The following HS1BP3 variants were observed in gnomAD, a reference collection of about 807,000 sequenced individuals.
HS1BP3 encodes the protein HCLS1-binding protein 3.
In HS1BP3, 32 loss-of-function variants were observed where a neutral mutation model predicts 33.5. The observed-to-expected ratio is 0.95, with a 90% CI of 0.72 to 1.28. The LOEUF (loss-of-function observed/expected upper bound fraction) is 1.28, where lower values mean the gene tolerates loss of function less well. Ranked by LOEUF, HS1BP3 falls within the 50% of genes most tolerant of loss-of-function variation. The pLI is 0.00. For missense variants in HS1BP3, 486 were observed against 502.3 expected (o/e 0.97, Z 0.31); for synonymous variants, 187 against 209.2 (o/e 0.89, Z 0.92).
chr2:20,609,075 A>T (rs1225984099), intron 2 of HS1BP3, among the ~76,000 whole-genome samples: 1 of 152,244 alleles, frequency 6.6e-6, no homozygotes, highest in Non-Finnish European at 1.5e-5. Context: ...GCAGGAGCCC[A>T]GAGAGAACTG....
intron 2 of HS1BP3, among the ~76,000 whole-genome samples, chr2:20,602,547 C>A (rs1349860870): frequency 1.3e-5 from 2 of 150,150 alleles, no homozygotes; most frequent in African/African-American, 2.4e-5. Flanking sequence ...TTGAAAAAAA[C>A]CGAAACATCA....
At chr2:20,582,616 A>T (rs1693560756) in intron 5 of HS1BP3, among the ~76,000 whole-genome samples, 1 of 151,884 alleles carries the variant, frequency 6.6e-6, no homozygotes, top group Non-Finnish European at 1.5e-5. Context: ...CTGCACCCCC[A>T]TCCTTGGCAT....
intron 5 of HS1BP3, among the ~76,000 whole-genome samples, chr2:20,563,582 ACAGG>A (rs1558314882): frequency 6.6e-6 from 1 of 152,108 alleles, no homozygotes; most frequent in Non-Finnish European, 1.5e-5. Context: ...CCCTCCTATC[ACAGG>A]CTTATGCTTC....
downstream of HS1BP3, among the ~76,000 whole-genome samples, chr2:20,592,028 C>A (rs1417100138): frequency 6.6e-6 from 1 of 152,170 alleles, no homozygotes; most frequent in East Asian, 1.9e-4. Context: ...GGCCAGAAAG[C>A]TGGCCCTGGA....
At chr2:20,559,583 GATGGATAGGTGGATGA>G (rs1369478077), downstream of HS1BP3, among the ~76,000 whole-genome samples, 1 of 151,650 alleles carries the variant, frequency 6.6e-6, no homozygotes, top group African/African-American at 2.4e-5. Flanking sequence ...TGGATGCATG[GATGGATAGGTGGATGA>G]ATGGATGGGT....
chr2:20,646,348 C>T (rs904138742), intron 1 of HS1BP3, among the ~76,000 whole-genome samples: 3 of 152,186 alleles, frequency 2.0e-5, no homozygotes, highest in South Asian at 2.1e-4. Flanking sequence ...CCTGAAAACA[C>T]GGGAGGAGCT....
At chr2:20,584,045 C>A (rs1378689139) in intron 5 of HS1BP3, among the ~76,000 whole-genome samples, 3 of 152,234 alleles carry the variant, frequency 2.0e-5, no homozygotes, top group Admixed American at 1.3e-4. Context: ...CCCTCAGAAC[C>A]ATTAGATGTG....
the HS1BP3 span, among the ~76,000 whole-genome samples, chr2:20,555,400 G>A: frequency 6.6e-6 from 1 of 152,314 alleles, no homozygotes; most frequent in South Asian, 2.1e-4. Context: ...ATGACAAGTT[G>A]GTGACAGCAG....
downstream of HS1BP3, chr2:20,617,799 G>A (rs554646740): frequency 6.6e-6 from 1 of 152,476 alleles, no homozygotes; most frequent in Admixed American, 6.5e-5. Flanking sequence ...TGAACATGAA[G>A]AATTATATCC....
chr2:20,609,278 G>A (rs1694265792), intron 2 of HS1BP3, among the ~76,000 whole-genome samples: 1 of 152,200 alleles, frequency 6.6e-6, no homozygotes. Flanking sequence ...TCTGCCACAT[G>A]AGAACCCACA....
chr2:20,609,509 C>G (rs1417005358), intron 2 of HS1BP3, among the ~76,000 whole-genome samples: 2 of 152,286 alleles, frequency 1.3e-5, no homozygotes, highest in South Asian at 4.1e-4. Context: ...AATACTGAGG[C>G]TCCTCTTGGC....
chr2:20,623,104 G>A (rs1694657735), intron 6 of HS1BP3: 1 of 152,438 alleles, frequency 6.6e-6, no homozygotes, highest in Non-Finnish European at 1.5e-5. Flanking sequence ...TGAGTCTGCT[G>A]AGAATGTGGC....
chr2:20,565,511 C>T (rs543397916), intron 5 of HS1BP3, among the ~76,000 whole-genome samples: 104 of 152,344 alleles, frequency 6.8e-4, no homozygotes, highest in Admixed American at 6.2e-3. Context: ...CCAGGGATAC[C>T]CAGGAGATCT....
At chr2:20,584,268 C>T (rs1693628219) in intron 5 of HS1BP3, among the ~76,000 whole-genome samples, 1 of 152,214 alleles carries the variant, frequency 6.6e-6, no homozygotes, top group East Asian at 1.9e-4. Flanking sequence ...CCCAGCCATG[C>T]TGGCAGAAGA....
At position 20,628,085 on chromosome 2, in the gene HS1BP3, C is replaced by T. The variant is rs369592781; in HGVS notation, c.624-3193G>A. 7.9e-5 allele frequency among the ~76,000 whole-genome samples: 12 copies of T among 152,278 alleles called. No homozygotes were observed. In the East Asian group the frequency reaches 1.2e-3, roughly 15 times the overall value. Reference sequence around the variant, plus strand: ...GCCCTATGTGCGAAAGCCCCTCCTCCGAAGATCTCCTGGCCGACTCCACTG... The same window carrying T: ...GCCCTATGTGCGAAAGCCCCTCCTCTGAAGATCTCCTGGCCGACTCCACTG... On this transcript the variant is annotated intron_variant, in intron 4 of 6. Transcript: ENST00000304031.
In HS1BP3 at chr2:20,648,975, G is replaced by A. The variant is rs184957538; in HGVS notation, c.32+2057C>T. On this transcript the variant is annotated intron_variant, in intron 1 of 6. Coordinates refer to ENST00000304031, the MANE Select transcript of HS1BP3 (RefSeq NM_022460.4). ...GAAAGCTCAATCTTCAAAATATATC[G>A]AGAACCCAAACATTTCTCACCCTCA... Among the ~76,000 whole-genome samples the A allele has an allele frequency of 3.3e-5, 5 of 152,124 alleles. No individual in the cohort carries two copies. In the East Asian group the frequency reaches 5.8e-4, roughly 18 times the overall value.
At chr2:20,582,541 G>A (rs1693559253) in intron 5 of HS1BP3, among the ~76,000 whole-genome samples, 1 of 152,150 alleles carries the variant, frequency 6.6e-6, no homozygotes, top group African/African-American at 2.4e-5. Flanking sequence ...ATTTCCAGCT[G>A]AGAGGTCCCC....
intron 4 of HS1BP3, among the ~76,000 whole-genome samples, chr2:20,629,062 C>T (rs1292107390): frequency 6.6e-6 from 1 of 152,114 alleles, no homozygotes; most frequent in Non-Finnish European, 1.5e-5. Context: ...AGAAGGCAAA[C>T]GTGCTTATAC....
At chr2:20,638,883 G>A (rs763561234) in intron 3 of HS1BP3, among the ~76,000 whole-genome samples, 1 of 152,252 alleles carries the variant, frequency 6.6e-6, no homozygotes, top group Non-Finnish European at 1.5e-5. Context: ...CCCAAGGGCT[G>A]ACGGGCACCA....
Sources: gnomAD v4.1 joint callset for allele counts (sites outside exome capture counted in the v4.1 genomes callset) on GRCh38, gnomAD v4.1.1 for gene constraint, MANE v1.5 for transcripts, NCBI Gene and HGNC (gene_info 2026-07-23, HGNC 2026-07-21) for gene names.